Variants in ADAM8 observed in about 807,000 individuals in gnomAD.
The protein encoded by ADAM8 is ADAM metallopeptidase domain 8.
Under a neutral mutation model 102.4 loss-of-function variants are expected in ADAM8, and 104 were observed. That is an observed-to-expected ratio of 1.02 (90% CI 0.87 to 1.20). The LOEUF (loss-of-function observed/expected upper bound fraction) is 1.20, where lower values mean the gene tolerates loss of function less well. ADAM8 is among the 50% of genes most tolerant of loss of function. The pLI is 0.00. For missense variants in ADAM8, 1,132 were observed against 1,159.0 expected (o/e 0.98, Z 0.34); for synonymous variants, 517 against 485.2 (o/e 1.07, Z -0.86).
Position 133,274,144 on chromosome 10 carries a change from C to T in ADAM8, c.227+15G>A. ...GCCAGGCCCGGGCAGGGGGGCCGAC[C>T]CGAGACCCACTCACCTGTTCTTCCG... On this transcript the variant is annotated intron_variant, in intron 3 of 22. Transcript: ENST00000445355. 1 of 1,583,764 alleles carries T rather than the reference C, an allele frequency of 6.3e-7. No individual in the cohort carries two copies. Among genetic ancestry groups the T allele is most frequent in the Non-Finnish European group, 8.6e-7 (1 of 1,164,654 alleles).
At position 133,268,057 on chromosome 10, in the gene ADAM8, G is replaced by C. The variant is rs753602887; in HGVS notation, c.2125C>G (p.Arg709Gly). ...SNPLFHQAAS[R>G]VPAKGGAPAP... ...GGAGCCCCGCCCTTGGCCGGCACGC[G>C]GCTGGCAGCCTGGTGGAACAGGGGG... Residue 709 changes from arginine (R) to glycine (G), a missense_variant, in exon 20 of 23, where the codon CGC (arginine) becomes GGC (glycine). Coordinates refer to ENST00000445355, the MANE Select transcript of ADAM8 (RefSeq NM_001109.5). 2.2e-5 allele frequency: 28 copies of C among 1,268,238 alleles called. No individual in the cohort carries two copies. The highest frequency in any genetic ancestry group is 7.5e-5 in the Admixed American group (2 of 26,710). 78.6% of individuals were successfully genotyped at this position (1,268,238 alleles called of 1,614,324 possible).
intron 19 of ADAM8, among the ~76,000 whole-genome samples, chr10:133,268,505 G>A (rs1339029305): frequency 2.6e-5 from 4 of 152,208 alleles, no homozygotes; most frequent in African/African-American, 7.2e-5. Flanking sequence ...AAGCCCAACC[G>A]GCCACCAAAA....
chr10:133,273,578 G>T, intron 5 of ADAM8, 135 bp from the exon 6 acceptor site: 1 of 1,282,528 alleles, frequency 7.8e-7, no homozygotes, highest in Non-Finnish European at 1.1e-6. Context: ...GTGACTTCAG[G>T]CCCCAGGGTA....
intron 20 of ADAM8, 117 bp from the exon 21 acceptor site, chr10:133,267,534 G>T (rs984691963): frequency 2.0e-6 from 2 of 998,314 alleles, no homozygotes; most frequent in Non-Finnish European, 2.9e-6. Context: ...GCGTCTGCGC[G>T]GCCCACAGGG....
At chr10:133,270,109 G>GC (rs1358642774) in intron 16 of ADAM8, 135 bp from the exon 17 acceptor site, 8 of 1,183,204 alleles carry the variant, frequency 6.8e-6, no homozygotes, top group Non-Finnish European at 9.6e-6. Flanking sequence ...CCATCTGCCG[G>GC]CTGCCTACCC....
At position 133,274,033 on chromosome 10, in the gene ADAM8, G is replaced by C; in HGVS notation, c.228-4C>G. On this transcript the variant is annotated splice_region_variant and splice_polypyrimidine_tract_variant and intron_variant, in intron 3 of 22. Transcript: ENST00000445355. ...GTAGCCGGAGCCCAGCAGGTCCCTGGAAAAGAAGTGCTGTGACTGCCTCGG... is the reference window on the plus strand; with the variant it reads ...GTAGCCGGAGCCCAGCAGGTCCCTGCAAAAGAAGTGCTGTGACTGCCTCGG... 6.2e-7 allele frequency: 1 copy of C among 1,604,930 alleles called. No individual in the cohort carries two copies. Among genetic ancestry groups the C allele is most frequent in the Non-Finnish European group, 8.5e-7 (1 of 1,177,210 alleles).
At chr10:133,275,132 C>A (rs148399124) in intron 2 of ADAM8, 7 of 340,832 alleles carry the variant, frequency 2.1e-5, no homozygotes, top group South Asian at 9.3e-5. Context: ...CCGCCAGGCC[C>A]CCCCCCCAAC....
intron 18 of ADAM8, 188 bp downstream of exon 18, chr10:133,269,257 G>A: frequency 1.1e-6 from 1 of 913,340 alleles, no homozygotes; most frequent in South Asian, 5.0e-5. Flanking sequence ...TCTGGGACAG[G>A]GCTCTCCCCT....
intron 21 of ADAM8, among the ~76,000 whole-genome samples, chr10:133,266,836 G>C (rs1846336055): frequency 6.6e-6 from 1 of 152,192 alleles, no homozygotes; most frequent in Non-Finnish European, 1.5e-5. Flanking sequence ...GGTTAGCCCA[G>C]AGGTGGGAGC....
rs771358569 is a variant in ADAM8, at chr10:133,273,982, C to G, written c.275G>C (p.Gly92Ala). 1 of 1,606,242 alleles carries G rather than the reference C, an allele frequency of 6.2e-7. No homozygotes were observed. The highest frequency in any genetic ancestry group is 1.3e-5 in the African/African-American group (1 of 74,860). The change falls in exon 4 of 23, where the codon GGC becomes GCC. Residue 92 changes from glycine (G) to alanine (A), a missense_variant. Gly to Ala is a moderately conservative substitution (Grantham distance 60, BLOSUM62 0). Coordinates refer to ENST00000445355, the MANE Select transcript of ADAM8 (RefSeq NM_001109.5). ...GYTETYTAANGSEVTEQPRGQ... is the reference protein window; with the variant it reads ...GYTETYTAANASEVTEQPRGQ... The stretch of plus-strand genomic sequence containing the variant: ...GCGAGGCTGCTCCGTCACCTCGGAG[C>G]CATTGGCAGCCGTATAGGTCTCTGT...
chr10:133,275,532 C>T lies in ADAM8; in HGVS notation c.102G>A (p.Pro34=), dbSNP rs765796189. 6.6e-6 allele frequency: 10 copies of T among 1,522,886 alleles called. No individual in the cohort carries two copies. Among genetic ancestry groups the T allele is most frequent in the Middle Eastern group, 1.7e-4 (1 of 5,936 alleles). 94.3% of individuals were successfully genotyped at this position (1,522,886 alleles called of 1,614,324 possible). A position where few individuals can be genotyped will look rare whatever the true frequency, so the allele number is the denominator to read the frequency against. Residue 34 remains proline (P), a synonymous_variant, in exon 2 of 23, where the codon CCG becomes CCA. Coordinates refer to ENST00000445355, the MANE Select transcript of ADAM8 (RefSeq NM_001109.5). ...ALMEQYEVVL[P]WRLPGPRVRR... is the part of the protein sequence containing the mutation. The stretch of plus-strand genomic sequence containing the variant: ...GGACTCGGGGGCCTGGCAGACGCCA[C>T]GGCAACACGACCTCATACTGCTCCA...
Position 133,270,690 on chromosome 10 carries a change from C to T in ADAM8, c.1634+46G>A, listed in dbSNP as rs756810501. On this transcript the variant is annotated intron_variant, in intron 15 of 22. Transcript: ENST00000445355. Reference sequence around the variant, plus strand: ...AGAGGCCCTTCTGGGGCTGACCCCGCTGTGGGAACAGCACATGTCCTGGGC... The same window carrying T: ...AGAGGCCCTTCTGGGGCTGACCCCGTTGTGGGAACAGCACATGTCCTGGGC... 1.3e-6 allele frequency: 2 copies of T among 1,581,696 alleles called. 1 individual carries two copies. Among genetic ancestry groups the T allele is most frequent in the South Asian group, 2.3e-5 (2 of 88,686 alleles).
intron 22 of ADAM8, 70 bp downstream of exon 22, chr10:133,263,618 G>GTCAGCCCCGTGGGGAGGCCGTGCCACTT: frequency 7.6e-7 from 1 of 1,322,776 alleles, no homozygotes; most frequent in Non-Finnish European, 9.7e-7. Context: ...CAGTGCCACC[G>GTCAGCCCCGTGGGGAGGCCGTGCCACTT]TCAGCCCCGT....
chr10:133,272,919 C>T lies in ADAM8; in HGVS notation c.636+38G>A, dbSNP rs541030174. On this transcript the variant is annotated intron_variant, in intron 7 of 22. Coordinates refer to ENST00000445355, the MANE Select transcript of ADAM8 (RefSeq NM_001109.5). ...GCCCACACACCCCCCATGCCCCCGC[C>T]GCCGGCTGCTCTCCCACCTTCCCTG... is the stretch of plus-strand genomic sequence containing the variant. The T allele has an allele frequency of 1.1e-5, 17 of 1,612,122 alleles. No homozygotes were observed. In the South Asian group the frequency reaches 1.1e-4, roughly 10 times the overall value.
chr10:133,270,163 G>A (rs1010095227), intron 16 of ADAM8, among the ~76,000 whole-genome samples, 189 bp from the exon 17 acceptor site: 12 of 152,204 alleles, frequency 7.9e-5, no homozygotes, highest in East Asian at 1.9e-4. Flanking sequence ...CGTGGCCGCC[G>A]GCGACGGCCA....
chr10:133,263,376 C>A (rs867742449), intron 22 of ADAM8, 143 bp from the exon 23 acceptor site: 2 of 810,234 alleles, frequency 2.5e-6, no homozygotes, highest in Non-Finnish European at 3.8e-6. Context: ...CCCATGCACA[C>A]AATGGCAGGT....
Position 133,268,807 on chromosome 10 carries a change from C to T in ADAM8, c.2004G>A (p.Val668=). The change falls in exon 19 of 23, where the codon GTG becomes GTA. Residue 668 remains valine, a synonymous_variant. Transcript: ENST00000445355. ...CGATGATGCCTGCCAGGGTGACCAG[C>T]ACAACTGCCAGGAGCACCAGAACCA... is the stretch of plus-strand genomic sequence containing the variant. ...VVVVLVLLAV[V]LVTLAGIIVY... is the part of the protein sequence containing the mutation. 1 of 1,610,648 alleles carries T rather than the reference C, an allele frequency of 6.2e-7. No homozygotes were observed. The highest frequency in any genetic ancestry group is 8.5e-7 in the Non-Finnish European group (1 of 1,179,892).
rs760468817 is a variant in ADAM8, at chr10:133,271,029, CAT to C, written c.1414_1415del (p.Met472ValfsTer2). 50 of 1,612,630 alleles carry C rather than the reference CAT, an allele frequency of 3.1e-5. No individual in the cohort carries two copies. Among genetic ancestry groups the C allele is most frequent in the Middle Eastern group, 3.3e-4 (2 of 6,082 alleles). ...AGELCRPKKD[M>X]CDLEEFCDGR... is the part of the protein sequence containing the mutation. ...CGTCACAGAACTCCTCGAGGTCACA[CAT>C]GTCCTTCTTGGGACGGCACAGCTCA... is the stretch of plus-strand genomic sequence containing the variant. On this transcript the variant is annotated frameshift_variant, in exon 14 of 23. Coordinates refer to ENST00000445355, the MANE Select transcript of ADAM8 (RefSeq NM_001109.5). LOFTEE classifies it high-confidence loss of function.
intron 21 of ADAM8, among the ~76,000 whole-genome samples, chr10:133,266,534 C>A (rs1315473581): frequency 1.3e-5 from 2 of 152,152 alleles, no homozygotes; most frequent in Non-Finnish European, 2.9e-5. Context: ...CGGAGATGCA[C>A]CGTGGGACCT....
Sources: gnomAD v4.1 joint callset for allele counts (sites outside exome capture counted in the v4.1 genomes callset) on GRCh38, gnomAD v4.1.1 for gene constraint, MANE v1.5 for transcripts, NCBI Gene and HGNC (gene_info 2026-07-23, HGNC 2026-07-21) for gene names.